The following FRMD5 variants were observed in gnomAD, a reference collection of about 807,000 sequenced individuals.
FRMD5 encodes the protein FERM domain containing 5.
Under a neutral mutation model 69.0 loss-of-function variants are expected in FRMD5, and 20 were observed. That is an observed-to-expected ratio of 0.29 (90% CI 0.20 to 0.42). FRMD5 has a LOEUF of 0.42. Ranked by LOEUF, FRMD5 falls within the 10% of genes least tolerant of loss-of-function variation. The pLI is 1.00. For missense variants in FRMD5, 595 were observed against 708.6 expected, an observed-to-expected ratio of 0.84 and a Z score of 1.82; for synonymous variants, 271 against 260.1, an observed-to-expected ratio of 1.04 and a Z score of -0.40.
At chr15:44,069,985 T>C (rs1266749228) in intron 1 of FRMD5, among the ~76,000 whole-genome samples, 1 of 152,148 alleles carries the variant, frequency 6.6e-6, no homozygotes, top group Non-Finnish European at 1.5e-5. Context: ...ACTAAGGAAA[T>C]TTTTTAAATG....
intron 1 of FRMD5, among the ~76,000 whole-genome samples, chr15:44,180,592 C>G (rs1302143083): frequency 4.6e-5 from 7 of 152,248 alleles, no homozygotes; most frequent in African/African-American, 1.7e-4. Flanking sequence ...CGAGACCAAC[C>G]TGGCCAACAT....
chr15:43,919,839 C>G (rs746898471), intron 2 of FRMD5, 30 bp from the exon 3 acceptor site: 1 of 1,603,264 alleles, frequency 6.2e-7, no homozygotes, highest in Non-Finnish European at 8.5e-7. Flanking sequence ...ACATGAAAAC[C>G]CTAATGAGAA....
At chr15:44,016,827 G>C (rs1890981710) in intron 1 of FRMD5, among the ~76,000 whole-genome samples, 1 of 123,260 alleles carries the variant, frequency 8.1e-6, no homozygotes, top group African/African-American at 2.9e-5. Context: ...AATAACTGTT[G>C]TAGTTCACAT....
At chr15:44,191,938 A>ATC (rs2078203639) in intron 1 of FRMD5, among the ~76,000 whole-genome samples, 67 of 125,860 alleles carry the variant, frequency 5.3e-4, no homozygotes, top group African/African-American at 2.0e-3. Context: ...ATATATATAT[A>ATC]TATGTATCTC....
intron 1 of FRMD5, among the ~76,000 whole-genome samples, chr15:43,969,749 C>A (rs552134280): frequency 7.9e-5 from 12 of 152,218 alleles, no homozygotes; most frequent in Admixed American, 3.9e-4. Context: ...CCAGACAGAA[C>A]ATACGCCTTT....
intron 1 of FRMD5, among the ~76,000 whole-genome samples, chr15:44,081,547 T>C (rs1893995549): frequency 6.6e-6 from 1 of 152,096 alleles, no homozygotes; most frequent in Non-Finnish European, 1.5e-5. Context: ...AAATGAACTA[T>C]GGTCCAGTCG....
intron 8 of FRMD5, among the ~76,000 whole-genome samples, chr15:43,891,361 G>A (rs1378560927): frequency 6.6e-6 from 1 of 152,184 alleles, no homozygotes; most frequent in African/African-American, 2.4e-5. Flanking sequence ...TGGGAGTGGA[G>A]AAGGGAGGGA....
At chr15:43,884,696 A>G (rs1457170593) in intron 12 of FRMD5, 31 bp downstream of exon 12, 11 of 1,599,854 alleles carry the variant, frequency 6.9e-6, no homozygotes, top group African/African-American at 5.4e-5. Flanking sequence ...CTGAGCTACA[A>G]CTGTTTGGGG....
chr15:44,063,575 C>CT (rs1893184145), intron 1 of FRMD5: 2 of 525,174 alleles, frequency 3.8e-6, no homozygotes, highest in Non-Finnish European at 3.7e-6. Flanking sequence ...ACCAGGGCTG[C>CT]TTTTAACTCT....
intron 1 of FRMD5, among the ~76,000 whole-genome samples, chr15:43,941,712 T>C (rs754134553): frequency 1.3e-5 from 2 of 152,176 alleles, no homozygotes; most frequent in Admixed American, 6.6e-5. Flanking sequence ...TTTTTCAGAC[T>C]GGCCAGCAGA....
chr15:44,138,727 A>G (rs2077222877), intron 1 of FRMD5, among the ~76,000 whole-genome samples: 1 of 152,228 alleles, frequency 6.6e-6, no homozygotes, highest in Non-Finnish European at 1.5e-5. Flanking sequence ...TTTATTATCA[A>G]ATGCAACCAA....
At chr15:44,157,559 T>C (rs2077547942) in intron 1 of FRMD5, among the ~76,000 whole-genome samples, 1 of 152,212 alleles carries the variant, frequency 6.6e-6, no homozygotes, top group Non-Finnish European at 1.5e-5. Context: ...AAGCAATTAA[T>C]TGTTCAATGT....
intron 1 of FRMD5, among the ~76,000 whole-genome samples, chr15:44,047,827 G>A (rs186823916): frequency 2.6e-4 from 39 of 152,232 alleles, no homozygotes; most frequent in Non-Finnish European, 4.0e-4. Context: ...TACGACTTGT[G>A]GCCCTTTGGG....
chr15:44,043,824 A>C (rs1461843742), intron 1 of FRMD5, among the ~76,000 whole-genome samples: 1 of 152,234 alleles, frequency 6.6e-6, no homozygotes, highest in Non-Finnish European at 1.5e-5. Flanking sequence ...TAAAAACCCT[A>C]GAAGAAAACC....
chr15:43,909,770 G>T, intron 5 of FRMD5, 112 bp downstream of exon 5: 1 of 630,396 alleles, frequency 1.6e-6, no homozygotes, highest in Non-Finnish European at 2.8e-6. Context: ...GTGAGCCACA[G>T]CACCTGGCCT....
At position 44,007,637 on chromosome 15, in the gene FRMD5, ATTT is replaced by A. The variant is rs35512441; in HGVS notation, c.103-83331_103-83329del. The stretch of plus-strand genomic sequence containing the variant: ...TCTAATTTTTTTAATTAATTAACTA[ATTT>A]TTTTTTTTTTTTTTTTTTTTTTGAG... On this transcript the variant is annotated intron_variant, in intron 1 of 13. Coordinates refer to ENST00000417257, the MANE Select transcript of FRMD5 (RefSeq NM_032892.5). Among the ~76,000 whole-genome samples, 227 of 81,128 alleles carry A rather than the reference ATTT, an allele frequency of 2.8e-3. 1 individual carries two copies. Among genetic ancestry groups the A allele is most frequent in the African/African-American group, 0.01 (215 of 20,496 alleles). The allele number at this position is 81,128 out of a possible 152,430, so 53.2% of individuals were successfully genotyped here.
chr15:44,008,226 G>A (rs149923131), intron 1 of FRMD5, among the ~76,000 whole-genome samples: 1 of 148,912 alleles, frequency 6.7e-6, no homozygotes, highest in African/African-American at 2.5e-5. Context: ...AGCCTGTAAG[G>A]CTTTATTTCT....
At chr15:44,119,114 C>A (rs1479558450) in intron 1 of FRMD5, among the ~76,000 whole-genome samples, 1 of 152,058 alleles carries the variant, frequency 6.6e-6, no homozygotes, top group Non-Finnish European at 1.5e-5. Context: ...CACCACCACA[C>A]CCAGTTAATT....
intron 1 of FRMD5, among the ~76,000 whole-genome samples, chr15:44,185,845 A>G (rs1184088494): frequency 2.0e-5 from 3 of 151,712 alleles, no homozygotes; most frequent in East Asian, 3.9e-4. Flanking sequence ...GGCAGGCTAG[A>G]TGCTTTCTCC....
Sources: gnomAD v4.1 joint callset for allele counts (sites outside exome capture counted in the v4.1 genomes callset) on GRCh38, gnomAD v4.1.1 for gene constraint, MANE v1.5 for transcripts, NCBI Gene and HGNC (gene_info 2026-07-23, HGNC 2026-07-21) for gene names.